Variants in HYOU1 observed in about 807,000 individuals in gnomAD.
HYOU1 encodes hypoxia up-regulated 1, also known as hypoxia up-regulated protein 1.
In HYOU1, 40 loss-of-function variants were observed where a neutral mutation model predicts 120.5. That is an observed-to-expected ratio of 0.33 (90% CI 0.26 to 0.43). HYOU1 has a LOEUF of 0.43. Among genes scored for constraint, HYOU1 ranks in the 20% least tolerant of loss-of-function variants. HYOU1 has a pLI of 1.00. For synonymous variants in HYOU1, 501 were observed against 479.4 expected (o/e 1.05, Z -0.59); for missense variants, 1,085 against 1,278.3 (o/e 0.85, Z 2.31).
At position 119,055,976 on chromosome 11, in the gene HYOU1, C is replaced by G. The variant is rs1944729983; in HGVS notation, c.91+94G>C. The stretch of plus-strand genomic sequence containing the variant: ...ACAAAAAGGCCTGGACCTAACAACT[C>G]AAGAGACTTCTGGCCAACAGCCCCA... On this transcript the variant is annotated intron_variant, in intron 2 of 25. Coordinates refer to ENST00000617285, the MANE Select transcript of HYOU1 (RefSeq NM_006389.5). This position sits in a 1 kb window ranked among gnomAD's most constrained non-coding sequence, Gnocchi z 4.0. 1.4e-6 allele frequency: 2 copies of G among 1,389,410 alleles called. No individual in the cohort carries two copies. Among genetic ancestry groups the G allele is most frequent in the Admixed American group, 1.7e-5 (1 of 59,184 alleles). The allele number at this position is 1,389,410 out of a possible 1,614,324, so 86.1% of individuals were successfully genotyped here. A position where few individuals can be genotyped will look rare whatever the true frequency, so the allele number is the denominator to read the frequency against.
intron 8 of HYOU1, 101 bp downstream of exon 8, chr11:119,054,020 C>A: frequency 1.4e-6 from 1 of 713,724 alleles, no homozygotes; most frequent in Non-Finnish European, 2.5e-6. Context: ...GGAGACCATT[C>A]CTGCAGCATG....
intron 22 of HYOU1, chr11:119,047,509 C>G: frequency 3.9e-6 from 2 of 512,762 alleles, no homozygotes; most frequent in Non-Finnish European, 7.0e-6. Flanking sequence ...GCAGCTTTCT[C>G]TGTCCTCATG....
chr11:119,045,700 G>A lies in HYOU1; in HGVS notation c.2939-46C>T, dbSNP rs369729316. 2.2e-5 allele frequency: 35 copies of A among 1,613,382 alleles called. No individual in the cohort carries two copies. The African/African-American group carries it at 4.4e-4, about 20-fold the overall frequency. The stretch of plus-strand genomic sequence containing the variant: ...CAAAGGAATCACCGCAGGTGAAACA[G>A]AGGAACCAACCCCAGTTCTTTGCAA... On this transcript the variant is annotated intron_variant, in intron 25 of 25. Transcript: ENST00000617285.
Position 119,055,928 on chromosome 11 carries a change from T to TG in HYOU1, c.92-86dup. 7.1e-7 allele frequency: 1 copy of TG among 1,409,074 alleles called. No individual in the cohort carries two copies. Among genetic ancestry groups the TG allele is most frequent in the Non-Finnish European group, 1.0e-6 (1 of 994,970 alleles). 87.3% of individuals were successfully genotyped at this position (1,409,074 alleles called of 1,614,324 possible). A position where few individuals can be genotyped will look rare whatever the true frequency, so the allele number is the denominator to read the frequency against. ...TCTAATCAAAGCATACCACTTTCCATGGGTAAACGAAGATGGCAAAAGACA... is the reference window on the plus strand; with the variant it reads ...TCTAATCAAAGCATACCACTTTCCATGGGGTAAACGAAGATGGCAAAAGACA... On this transcript the variant is annotated intron_variant, in intron 2 of 25. Coordinates refer to ENST00000617285, the MANE Select transcript of HYOU1 (RefSeq NM_006389.5). The surrounding 1 kb of genome is among the most constrained non-coding windows in gnomAD (Gnocchi z 4.0).
intron 8 of HYOU1, chr11:119,053,397 A>T (rs1565718931): frequency 6.5e-6 from 1 of 153,082 alleles, no homozygotes; most frequent in East Asian, 1.9e-4. Flanking sequence ...TTGAAGTGGG[A>T]GAGTGCATGG....
At chr11:119,056,699 T>A in intron 1 of HYOU1, 2 of 265,500 alleles carry the variant, frequency 7.5e-6, no homozygotes, top group South Asian at 3.7e-5. Flanking sequence ...CCCTCCCCTT[T>A]CCCAGCTCAC....
chr11:119,046,311 G>C (rs2134676382), intron 24 of HYOU1, 106 bp downstream of exon 24: 4 of 945,420 alleles, frequency 4.2e-6, no homozygotes, highest in Non-Finnish European at 6.6e-6. Flanking sequence ...AAACGCAAAG[G>C]CCATTCAAGC....
intron 25 of HYOU1, 59 bp from the exon 26 acceptor site, chr11:119,045,713 C>T: frequency 1.2e-6 from 2 of 1,613,182 alleles, no homozygotes; most frequent in Non-Finnish European, 1.7e-6. Context: ...GAACCAACCC[C>T]AGTTCTTTGC....
chr11:119,046,662 G>A lies in HYOU1; in HGVS notation c.2736C>T (p.Thr912=), dbSNP rs987715634. Residue 912 remains threonine (T), a synonymous_variant, in exon 23 of 26, where the codon ACC becomes ACT. Transcript: ENST00000617285. ...VQYLLNKAKF[T]KPRPRPKDKN... is the part of the protein sequence containing the mutation. ...TGTCCTTAGGCCGGGGCCGGGGCTT[G>A]GTAAACTTGGCCTTATTGAGCAGAT... The A allele has an allele frequency of 8.7e-6, 14 of 1,614,048 alleles. No homozygotes were observed. Among genetic ancestry groups the A allele is most frequent in the African/African-American group, 1.3e-5 (1 of 74,930 alleles).
chr11:119,054,667 T>C lies in HYOU1; in HGVS notation c.505A>G (p.Ile169Val), dbSNP rs2133606909. 8.1e-6 allele frequency: 13 copies of C among 1,611,840 alleles called. No homozygotes were observed. Among genetic ancestry groups the C allele is most frequent in the Middle Eastern group, 1.6e-4 (1 of 6,074 alleles). The change falls in exon 7 of 26, where the codon ATC becomes GTC. Residue 169 changes from isoleucine to valine, a missense_variant. Ile to Val is a conservative substitution (Grantham distance 29, BLOSUM62 3). Around this residue, in one of 4 missense-constraint regions of HYOU1, gnomAD observed 515 missense variants for 677.8 expected, o/e 0.76. Transcript: ENST00000617285. ...SLAEDFAEQP[I>V]KDAVITVPVF... ...GGCACGGTGATCACTGCATCCTTGA[T>C]GGGCTGCTCTACAGATGACAACAGA...
At position 119,056,174 on chromosome 11, in the gene HYOU1, G is replaced by C; in HGVS notation, c.-7-7C>G. The C allele has an allele frequency of 6.2e-7, 1 of 1,607,224 alleles. No individual in the cohort carries two copies. The highest frequency in any genetic ancestry group is 8.5e-7 in the Non-Finnish European group (1 of 1,174,788). On this transcript the variant is annotated splice_region_variant and splice_polypyrimidine_tract_variant and intron_variant, in intron 1 of 25. Coordinates refer to ENST00000617285, the MANE Select transcript of HYOU1 (RefSeq NM_006389.5). Reference sequence around the variant, plus strand: ...TTTGTCTGCCATAGTGCCCCTGGGGGAGGCGAAGAAAGAAAACACTTAAAA... The same window carrying C: ...TTTGTCTGCCATAGTGCCCCTGGGGCAGGCGAAGAAAGAAAACACTTAAAA...
chr11:119,046,335 A>T, intron 24 of HYOU1, 82 bp downstream of exon 24: 1 of 1,266,090 alleles, frequency 7.9e-7, no homozygotes, highest in Non-Finnish European at 1.2e-6. Flanking sequence ...TGGGCTGTCT[A>T]GAAACAGGCT....
At chr11:119,046,350 C>T in intron 24 of HYOU1, 67 bp downstream of exon 24, 7 of 1,463,378 alleles carry the variant, frequency 4.8e-6, no homozygotes, top group Non-Finnish European at 6.7e-6. Flanking sequence ...CAGGCTGTGC[C>T]TGCCAGTTTG....
Position 119,049,802 on chromosome 11 carries a change from G to T in HYOU1, c.1701C>A (p.Ser567Arg), listed in dbSNP as rs202017398. ...TGGTGAGAGTAGATTCCTCTTCTGCGCTGTCCTCTACCAGTGTCTCAAATA... is the reference window on the plus strand; with the variant it reads ...TGGTGAGAGTAGATTCCTCTTCTGCTCTGTCCTCTACCAGTGTCTCAAATA... ...ESVFETLVED[S>R]AEEESTLTKL... Residue 567 changes from serine (S) to arginine (R), a missense_variant, in exon 15 of 26, where the codon AGC (serine) becomes AGA (arginine). Transcript: ENST00000617285. 2 of 1,613,962 alleles carry T rather than the reference G, an allele frequency of 1.2e-6. No individual in the cohort carries two copies. Among genetic ancestry groups the T allele is most frequent in the South Asian group, 1.1e-5 (1 of 91,066 alleles).
At chr11:119,053,156 A>G in intron 8 of HYOU1, 1 of 289,578 alleles carries the variant, frequency 3.5e-6, no homozygotes. Context: ...ATGTGAAATT[A>G]TCACTACGTC....
chr11:119,051,539 G>C lies in HYOU1; in HGVS notation c.1425C>G (p.Pro475=). 1.2e-6 allele frequency: 2 copies of C among 1,614,166 alleles called. No individual in the cohort carries two copies. Among genetic ancestry groups the C allele is most frequent in the African/African-American group, 1.3e-5 (1 of 75,044 alleles). ...AGGTGATGACTTTGCGTTGAGGGTA[G>C]GGCCCCATCCGAGAGAAGAGTACCC... is the stretch of plus-strand genomic sequence containing the variant. ...NKRVLFSRMG[P]YPQRKVITFN... Residue 475 remains proline, a synonymous_variant, in exon 13 of 26, where the codon CCC becomes CCG. Coordinates refer to ENST00000617285, the MANE Select transcript of HYOU1 (RefSeq NM_006389.5). This position sits in a 1 kb window ranked among gnomAD's most constrained non-coding sequence, Gnocchi z 4.2.
Position 119,055,337 on chromosome 11 carries a change from C to T in HYOU1, c.267G>A (p.Ala89=), listed in dbSNP as rs2133612445. The T allele has an allele frequency of 8.1e-6, 13 of 1,612,986 alleles. No homozygotes were observed. The highest frequency in any genetic ancestry group is 5.5e-5 in the South Asian group (5 of 90,992). ...GTAGCGTAGCCTTTGGATTCTTAATCGCCTGAGGGGTGAAGAAGGAGCAGA... is the reference window on the plus strand; with the variant it reads ...GTAGCGTAGCCTTTGGATTCTTAATTGCCTGAGGGGTGAAGAAGGAGCAGA... The part of the protein sequence containing the change: ...RFFGDSAASM[A]IKNPKATLRY... The change falls in exon 5 of 26, where the codon GCG becomes GCA. Residue 89 remains alanine, a splice_region_variant and synonymous_variant. Coordinates refer to ENST00000617285, the MANE Select transcript of HYOU1 (RefSeq NM_006389.5). The surrounding 1 kb of genome is among the most constrained non-coding windows in gnomAD (Gnocchi z 4.0).
chr11:119,048,965 G>A lies in HYOU1; in HGVS notation c.1992+53C>T, dbSNP rs2133568664. 1.9e-5 allele frequency: 30 copies of A among 1,611,040 alleles called. No homozygotes were observed. The highest frequency in any genetic ancestry group is 2.2e-5 in the East Asian group (1 of 44,882). The stretch of plus-strand genomic sequence containing the variant: ...CCACAAGGCCAGAAACAAGGCAGGC[G>A]CCTGCTCCCTTAGCCTCTGGATCCA... On this transcript the variant is annotated intron_variant, in intron 17 of 25. Transcript: ENST00000617285. The surrounding 1 kb of genome is among the most constrained non-coding windows in gnomAD (Gnocchi z 4.7).
rs1050109174 is a variant in HYOU1 at position 119,055,624 on chromosome 11, C to T, written c.186-53G>A. 3.8e-5 allele frequency: 59 copies of T among 1,540,718 alleles called. No individual in the cohort carries two copies. The highest frequency in any genetic ancestry group is 4.9e-5 in the Non-Finnish European group (55 of 1,113,396). On this transcript the variant is annotated intron_variant, in intron 3 of 25. Coordinates refer to ENST00000617285, the MANE Select transcript of HYOU1 (RefSeq NM_006389.5). The surrounding 1 kb of genome is among the most constrained non-coding windows in gnomAD (Gnocchi z 4.0). The stretch of plus-strand genomic sequence containing the variant: ...TGCCTGCAGCAGAAGGACTCAGAAG[C>T]CTCGACACTCACACACATTTAACCA...
Sources: allele counts gnomAD v4.1 joint callset, GRCh38; gene constraint gnomAD v4.1.1; regional missense constraint gnomAD v4.1.1; non-coding constraint Gnocchi (gnomAD v3.1); transcripts MANE v1.5; gene names NCBI Gene and HGNC (gene_info 2026-07-23, HGNC 2026-07-21).